AFG1L: variants seen among roughly 807,000 people sequenced by gnomAD.
The protein encoded by AFG1L is AFG1 like ATPase.
A neutral mutation model predicts 62.2 loss-of-function variants in AFG1L; 53 were observed. The ratio of observed to expected loss-of-function variants is 0.85; its 90% CI spans 0.68 to 1.07. The LOEUF (loss-of-function observed/expected upper bound fraction) is 1.07. Ranked by LOEUF, AFG1L falls within the 50% of genes least tolerant of loss-of-function variation. The pLI is 0.00. For missense variants in AFG1L, 555 were observed against 590.5 expected, an observed-to-expected ratio of 0.94 and a Z score of 0.62; for synonymous variants, 228 against 210.3, an observed-to-expected ratio of 1.08 and a Z score of -0.73.
At chr6:108,344,072 G>A (rs1362806481) in intron 2 of AFG1L, among the ~76,000 whole-genome samples, 3 of 152,082 alleles carry the variant, frequency 2.0e-5, no homozygotes, top group East Asian at 3.9e-4. Context: ...GACCAGACTG[G>A]GCAACATAGT....
intron 2 of AFG1L, among the ~76,000 whole-genome samples, chr6:108,334,937 C>A (rs528879827): frequency 6.6e-6 from 1 of 152,062 alleles, no homozygotes; most frequent in East Asian, 1.9e-4. Context: ...CGTTATGGCT[C>A]ACCTCACATT....
intron 1 of AFG1L, among the ~76,000 whole-genome samples, chr6:108,321,065 A>G (rs72936746): frequency 0.088 from 13,328 of 152,122 alleles, 796 homozygotes; most frequent in South Asian, 0.18. Flanking sequence ...GGCACTCTTT[A>G]TTTGAAGTGA....
chr6:108,464,931 C>T (rs561352147), intron 8 of AFG1L, among the ~76,000 whole-genome samples: 3 of 152,308 alleles, frequency 2.0e-5, no homozygotes, highest in Non-Finnish European at 4.4e-5. Context: ...AGTAGCATCC[C>T]ACTGATGGGG....
At chr6:108,457,161 G>A (rs1012863400) in intron 8 of AFG1L, among the ~76,000 whole-genome samples, 1 of 152,072 alleles carries the variant, frequency 6.6e-6, no homozygotes, top group African/African-American at 2.4e-5. Flanking sequence ...ATAAGATGTG[G>A]TCTTTGTTCC....
intron 2 of AFG1L, among the ~76,000 whole-genome samples, chr6:108,336,646 A>C (rs1459949241): frequency 6.6e-6 from 1 of 152,214 alleles, no homozygotes; most frequent in Non-Finnish European, 1.5e-5. Context: ...AAATATGCAG[A>C]TATTTTTGAA....
At chr6:108,349,871 T>G (rs1477899657) in intron 3 of AFG1L, among the ~76,000 whole-genome samples, 1 of 151,836 alleles carries the variant, frequency 6.6e-6, no homozygotes, top group East Asian at 1.9e-4. Flanking sequence ...GAGTTGAGAT[T>G]GCACCACTGC....
Position 108,402,014 on chromosome 6 carries a change from T to C in AFG1L, c.767T>C (p.Leu256Pro). Residue 256 changes from leucine (L) to proline (P), a missense_variant, in exon 7 of 13, where the codon CTC (leucine) becomes CCC (proline). By Grantham distance (98) the Leu-to-Pro change is moderately conservative (BLOSUM62 -3). Coordinates refer to ENST00000368977, the MANE Select transcript of AFG1L (RefSeq NM_145315.5). ...CTTTCAGATCTCTATAAAAATGGAC[T>C]CCAAAGAGCTAACTTTGTACCATTC... ...RPPEDLYKNGLQRANFVPFIA... is the reference protein window; with the variant it reads ...RPPEDLYKNGPQRANFVPFIA... 6.6e-7 allele frequency: 1 copy of C among 1,511,302 alleles called. No homozygotes were observed. The highest frequency in any genetic ancestry group is 8.9e-7 in the Non-Finnish European group (1 of 1,120,012). The allele number at this position is 1,511,302 out of a possible 1,614,324, so 93.6% of individuals were successfully genotyped here.
At position 108,507,027 on chromosome 6, in the gene AFG1L, G is replaced by A. The variant is rs181982613; in HGVS notation, c.1063-3185G>A. 1.1e-4 allele frequency among the ~76,000 whole-genome samples: 16 copies of A among 151,898 alleles called. 1 individual carries two copies. In the East Asian group the frequency reaches 2.9e-3, roughly 28 times the overall value. ...TTCTTATTGGATCTGATTTTTTGGG[G>A]GGAAAAAACTTCCTTCTTTGATAAA... On this transcript the variant is annotated intron_variant, in intron 10 of 12. Transcript: ENST00000368977.
intron 10 of AFG1L, among the ~76,000 whole-genome samples, chr6:108,505,958 ACT>A (rs753300388): frequency 6.6e-6 from 1 of 152,224 alleles, no homozygotes; most frequent in African/African-American, 2.4e-5. Context: ...GGAGAAAAAT[ACT>A]GACAACACAC....
intron 6 of AFG1L, among the ~76,000 whole-genome samples, chr6:108,381,689 G>A (rs1780532256): frequency 6.6e-6 from 1 of 152,174 alleles, no homozygotes; most frequent in Admixed American, 6.5e-5. Flanking sequence ...ATAAAATTTT[G>A]TTAATTTCAT....
At chr6:108,499,293 T>C (rs1000572818) in intron 10 of AFG1L, among the ~76,000 whole-genome samples, 1 of 151,760 alleles carries the variant, frequency 6.6e-6, no homozygotes, top group African/African-American at 2.4e-5. Flanking sequence ...GGTCTCAAAC[T>C]CCTGAGCTCA....
intron 6 of AFG1L, among the ~76,000 whole-genome samples, chr6:108,396,413 T>A (rs1481992931): frequency 6.6e-6 from 1 of 152,208 alleles, no homozygotes; most frequent in Non-Finnish European, 1.5e-5. Flanking sequence ...TGCATTATAT[T>A]TACAGCTTAT....
rs1400239320 is a variant in AFG1L, at chr6:108,510,224, A to G, written c.1075A>G (p.Ser359Gly). The change falls in exon 11 of 13, where the codon AGT becomes GGT. Residue 359 changes from serine (S) to glycine (G), a missense_variant. By Grantham distance (56) the Ser-to-Gly change is moderately conservative (BLOSUM62 0). Transcript: ENST00000368977. Reference protein sequence around the residue: ...EELCERPLGASDYLELSKNFD... With the variant: ...EELCERPLGAGDYLELSKNFD... ...CATTTTATCATAGCCACTTGGAGCC[A>G]GTGACTATTTGGAACTATCAAAGAA... 2.5e-6 allele frequency: 4 copies of G among 1,606,056 alleles called. No homozygotes were observed. In the Admixed American group the frequency reaches 5.1e-5, roughly 21 times the overall value.
At chr6:108,329,622 AAG>A (rs1361694958) in intron 2 of AFG1L, among the ~76,000 whole-genome samples, 2 of 152,160 alleles carry the variant, frequency 1.3e-5, no homozygotes, top group Admixed American at 6.6e-5. Context: ...AAAATACTGA[AAG>A]AGATCCAAAC....
chr6:108,416,690 T>C (rs1399855990), intron 7 of AFG1L, among the ~76,000 whole-genome samples: 1 of 152,070 alleles, frequency 6.6e-6, no homozygotes, highest in Non-Finnish European at 1.5e-5. Flanking sequence ...AACCAAACAC[T>C]GCATGTTCTC....
intron 1 of AFG1L, among the ~76,000 whole-genome samples, chr6:108,299,097 C>T (rs1204413693): frequency 6.6e-6 from 1 of 151,722 alleles, no homozygotes; most frequent in Admixed American, 6.6e-5. Flanking sequence ...CTCGTCTCTA[C>T]TAAAAATACA....
intron 8 of AFG1L, among the ~76,000 whole-genome samples, chr6:108,459,027 C>A (rs1772357172): frequency 6.6e-6 from 1 of 152,120 alleles, no homozygotes; most frequent in Non-Finnish European, 1.5e-5. Flanking sequence ...CCACCTGATA[C>A]CCTATGCTTT....
Position 108,476,884 on chromosome 6 carries a change from G to T in AFG1L, c.910G>T (p.Glu304Ter). The change falls in exon 9 of 13, where the codon GAG becomes TAG. Residue 304 changes from glutamate (E) to a stop codon, truncating the protein, a stop_gained. Transcript: ENST00000368977. LOFTEE classifies it high-confidence loss of function. The part of the protein sequence containing the change: ...LYYLTSEADV[E>*]AVMDKLFDEL... ...CTGTAGCACAAGTGAAGCTGATGTG[G>T]AGGCTGTCATGGATAAGTTGTTTGA... is the stretch of plus-strand genomic sequence containing the variant. 6.2e-7 allele frequency: 1 copy of T among 1,613,646 alleles called. No homozygotes were observed. The highest frequency in any genetic ancestry group is 8.5e-7 in the Non-Finnish European group (1 of 1,179,584).
intron 8 of AFG1L, among the ~76,000 whole-genome samples, chr6:108,461,755 A>G (rs2114780597): frequency 6.6e-6 from 1 of 152,256 alleles, no homozygotes; most frequent in South Asian, 2.1e-4. Flanking sequence ...CACTGTGCCC[A>G]GCCCAAGTAG....
Sources: gnomAD v4.1 joint callset for allele counts (sites outside exome capture counted in the v4.1 genomes callset) on GRCh38, gnomAD v4.1.1 for gene constraint, MANE v1.5 for transcripts, NCBI Gene and HGNC (gene_info 2026-07-23, HGNC 2026-07-21) for gene names.